The following GPC5 variants were observed in gnomAD, a reference collection of about 807,000 sequenced individuals.
GPC5 encodes the protein glypican-5.
A neutral mutation model predicts 53.9 loss-of-function variants in GPC5; 47 were observed. That is an observed-to-expected ratio of 0.87 (90% CI 0.69 to 1.11). The LOEUF (loss-of-function observed/expected upper bound fraction) is 1.11, where lower values mean the gene tolerates loss of function less well. GPC5 is among the 50% of genes most tolerant of loss of function. The probability of loss-of-function intolerance (pLI) is 0.00; values close to 1 mark genes in which losing one functional copy is unlikely to be tolerated. For synonymous variants in GPC5, 286 were observed against 263.3 expected (o/e 1.09, Z -0.84); for missense variants, 748 against 713.1 (o/e 1.05, Z -0.56).
chr13:92,314,065 G>A (rs926643760), intron 7 of GPC5, among the ~76,000 whole-genome samples: 4 of 152,156 alleles, frequency 2.6e-5, no homozygotes, highest in African/African-American at 9.7e-5. Context: ...GAGGTTCACA[G>A]ATTTTTTTTG....
intron 6 of GPC5, among the ~76,000 whole-genome samples, chr13:91,950,285 T>TTTC (rs1555299355): frequency 1.6e-4 from 24 of 149,758 alleles, no homozygotes; most frequent in African/African-American, 5.7e-4. Flanking sequence ...TTTTTTTTTT[T>TTTC]CATGAATTAG....
At chr13:92,017,826 G>C (rs759309556) in intron 6 of GPC5, among the ~76,000 whole-genome samples, 4 of 150,532 alleles carry the variant, frequency 2.7e-5, no homozygotes, top group African/African-American at 9.8e-5. Context: ...ACACACGCAT[G>C]AGCACACACA....
At chr13:92,840,040 C>T (rs1460360004) in intron 7 of GPC5, among the ~76,000 whole-genome samples, 1 of 133,778 alleles carries the variant, frequency 7.5e-6, no homozygotes, top group African/African-American at 2.8e-5. Context: ...CTTATATATC[C>T]AAGAATGGAG....
At chr13:92,557,887 C>T (rs1019001323) in intron 7 of GPC5, among the ~76,000 whole-genome samples, 4 of 151,928 alleles carry the variant, frequency 2.6e-5, no homozygotes, top group Non-Finnish European at 5.9e-5. Context: ...CTCTGCATCT[C>T]CAGAGTCTGG....
At chr13:91,790,412 A>G (rs1594566611) in intron 5 of GPC5, among the ~76,000 whole-genome samples, 1 of 152,322 alleles carries the variant, frequency 6.6e-6, no homozygotes, top group South Asian at 2.1e-4. Context: ...TTTACTACTC[A>G]TTAGCTCTTG....
At chr13:91,910,284 G>C (rs566294869) in intron 6 of GPC5, among the ~76,000 whole-genome samples, 69 of 152,202 alleles carry the variant, frequency 4.5e-4, no homozygotes, top group South Asian at 3.7e-3. Context: ...CAATATCAAG[G>C]GATGGCTAAC....
At chr13:92,838,483 C>CA (rs1370237837) in intron 7 of GPC5, among the ~76,000 whole-genome samples, 8 of 145,338 alleles carry the variant, frequency 5.5e-5, no homozygotes, top group African/African-American at 2.1e-4. Flanking sequence ...ACTCCGCGCC[C>CA]CCCCCAAAAA....
intron 7 of GPC5, among the ~76,000 whole-genome samples, chr13:92,576,269 C>T (rs1435109602): frequency 6.6e-6 from 1 of 152,178 alleles, no homozygotes; most frequent in Admixed American, 6.5e-5. Context: ...TGATCTGTTA[C>T]TGCCAGTGAG....
chr13:92,755,804 C>G (rs1181278551), intron 7 of GPC5, among the ~76,000 whole-genome samples: 1,679 of 141,346 alleles, frequency 0.012, 35 homozygotes, highest in African/African-American at 0.042. Context: ...TCTGAATAGA[C>G]CAATAACAGG....
At chr13:91,864,986 C>T (rs1005087990) in intron 5 of GPC5, among the ~76,000 whole-genome samples, 57 of 151,560 alleles carry the variant, frequency 3.8e-4, no homozygotes, top group African/African-American at 1.3e-3. Flanking sequence ...CTCACTGCAA[C>T]CTCTGCCTCC....
intron 6 of GPC5, among the ~76,000 whole-genome samples, chr13:92,133,176 A>C (rs1160054408): frequency 6.6e-6 from 1 of 152,180 alleles, no homozygotes; most frequent in African/African-American, 2.4e-5. Flanking sequence ...TATTTCTAGA[A>C]TATTTAGCAA....
At chr13:91,566,155 G>T (rs372603085) in intron 2 of GPC5, among the ~76,000 whole-genome samples, 2 of 152,080 alleles carry the variant, frequency 1.3e-5, no homozygotes, top group African/African-American at 4.8e-5. Flanking sequence ...ATCTTTGTGC[G>T]TGGGGGTCAC....
chr13:91,952,903 T>G (rs1451948028), intron 6 of GPC5, among the ~76,000 whole-genome samples: 1 of 152,174 alleles, frequency 6.6e-6, no homozygotes, highest in Non-Finnish European at 1.5e-5. Context: ...TTTTGTATTT[T>G]CAAATTCATC....
intron 6 of GPC5, among the ~76,000 whole-genome samples, chr13:92,090,520 T>C (rs1213368590): frequency 6.6e-6 from 1 of 152,192 alleles, no homozygotes; most frequent in Non-Finnish European, 1.5e-5. Flanking sequence ...CCACGTCTTA[T>C]GGCACTTTGA....
chr13:92,083,673 T>C (rs2041314461), intron 6 of GPC5, among the ~76,000 whole-genome samples: 1 of 152,184 alleles, frequency 6.6e-6, no homozygotes, highest in Admixed American at 6.5e-5. Context: ...AATAGAATGA[T>C]TTACATTCCT....
intron 2 of GPC5, among the ~76,000 whole-genome samples, chr13:91,605,265 G>T (rs1248851868): frequency 1.4e-5 from 2 of 147,512 alleles, no homozygotes; most frequent in Non-Finnish European, 3.0e-5. Context: ...GATAGTTGTA[G>T]AGATGCGGCG....
At chr13:91,608,220 C>T (rs1013289113) in intron 2 of GPC5, among the ~76,000 whole-genome samples, 12 of 151,938 alleles carry the variant, frequency 7.9e-5, no homozygotes, top group African/African-American at 2.7e-4. Context: ...TATGGAGCAT[C>T]GATAATAACC....
chr13:92,103,396 C>T (rs760917648), intron 6 of GPC5, among the ~76,000 whole-genome samples: 5 of 152,060 alleles, frequency 3.3e-5, no homozygotes, highest in Admixed American at 1.3e-4. Context: ...TATATAACTC[C>T]ATAGAAGCAT....
chr13:91,693,755 G>A lies in GPC5; in HGVS notation c.894G>A (p.Ser298=), dbSNP rs776385006. The change falls in exon 3 of 8, where the codon TCG becomes TCA. Residue 298 remains serine (S), a synonymous_variant. Transcript: ENST00000377067. The part of the protein sequence containing the change: ...LNPHWHAYIR[S]LEELSDAMHG... ...CACACTGGCATGCATATATCCGGTC[G>A]TTGGAAGAACTCTCGGATGCAATGC... 5.6e-6 allele frequency: 9 copies of A among 1,614,140 alleles called. No homozygotes were observed. The highest frequency in any genetic ancestry group is 4.4e-5 in the South Asian group (4 of 91,086).
Sources: allele counts gnomAD v4.1 joint callset (sites outside exome capture counted in the v4.1 genomes callset), GRCh38; gene constraint gnomAD v4.1.1; transcripts MANE v1.5; gene names NCBI Gene and HGNC (gene_info 2026-07-23, HGNC 2026-07-21).